MRAS: variants seen among roughly 807,000 people sequenced by gnomAD.
The protein encoded by MRAS is ras-related protein M-Ras.
MRAS carries 4 observed loss-of-function variants against 20.9 expected under a neutral mutation model. The ratio of observed to expected loss-of-function variants is 0.19; its 90% CI spans 0.09 to 0.44. The LOEUF is 0.44. MRAS is among the 20% of genes least tolerant of loss of function. The probability of loss-of-function intolerance (pLI) is 0.99; values close to 1 mark genes in which losing one functional copy is unlikely to be tolerated. For missense variants in MRAS, 154 were observed against 277.5 expected (o/e 0.56, Z 3.16); for synonymous variants, 98 against 102.9 (o/e 0.95, Z 0.29).
At chr3:138,380,802 G>A (rs952080316) in intron 2 of MRAS, among the ~76,000 whole-genome samples, 119 of 149,012 alleles carry the variant, frequency 8.0e-4, no homozygotes, top group African/African-American at 2.8e-3. Context: ...ACGGTGTCTC[G>A]CTCTGTCGCC....
intron 2 of MRAS, among the ~76,000 whole-genome samples, chr3:138,376,725 A>AG (rs2054789896): frequency 2.0e-5 from 3 of 152,262 alleles, no homozygotes; most frequent in African/African-American, 7.2e-5. Context: ...AGTTAAATAA[A>AG]TGTAAACAAG....
At position 138,404,062 on chromosome 3, in the gene MRAS, A is replaced by AAG. The variant is rs1390608500; in HGVS notation, c.*1799_*1800dup. ...TTTTTCTGTTCCTAAAAGGAAGGATAAGAGAGAACATTCCAGGTGAGGCAC... is the reference window on the plus strand; with the variant it reads ...TTTTTCTGTTCCTAAAAGGAAGGATAAGAGAGAGAACATTCCAGGTGAGGCAC... On this transcript the variant is annotated 3_prime_UTR_variant, in exon 6 of 6. Transcript: ENST00000423968. 6.6e-6 allele frequency: 1 copy of AAG among 152,244 alleles called. No homozygotes were observed. Among genetic ancestry groups the AAG allele is most frequent in the Non-Finnish European group, 1.5e-5 (1 of 68,050 alleles). 9.4% of individuals were successfully genotyped at this position (152,244 alleles called of 1,614,324 possible). A position where few individuals can be genotyped will look rare whatever the true frequency, so the allele number is the denominator to read the frequency against.
chr3:138,362,517 A>T (rs572087595), intron 1 of MRAS, among the ~76,000 whole-genome samples: 1 of 151,854 alleles, frequency 6.6e-6, no homozygotes, highest in Non-Finnish European at 1.5e-5. Context: ...AGTTTGTCCT[A>T]TGTAATTCAT....
intron 2 of MRAS, among the ~76,000 whole-genome samples, chr3:138,375,837 C>T (rs1002539947): frequency 6.6e-6 from 1 of 151,892 alleles, no homozygotes. Flanking sequence ...GCCTGGGCAA[C>T]GTGGTGAAAC....
At chr3:138,372,145 G>A (rs185130624) in intron 1 of MRAS, among the ~76,000 whole-genome samples, 51 of 151,750 alleles carry the variant, frequency 3.4e-4, no homozygotes, top group Non-Finnish European at 6.8e-4. Context: ...ACTCCATTTT[G>A]ACAACAAAAA....
chr3:138,380,272 C>A (rs1020710207), intron 2 of MRAS, among the ~76,000 whole-genome samples: 1 of 151,808 alleles, frequency 6.6e-6, no homozygotes, highest in African/African-American at 2.4e-5. Flanking sequence ...ACACTAAGTC[C>A]CCATTTTCCC....
intron 4 of MRAS, among the ~76,000 whole-genome samples, chr3:138,399,785 C>T (rs1017499483): frequency 1.2e-4 from 19 of 152,202 alleles, no homozygotes; most frequent in African/African-American, 4.1e-4. Flanking sequence ...GGGGTCCCTG[C>T]TGTAGGAGAA....
intron 1 of MRAS, among the ~76,000 whole-genome samples, chr3:138,372,225 C>T (rs2054689286): frequency 6.6e-6 from 1 of 152,158 alleles, no homozygotes; most frequent in African/African-American, 2.4e-5. Flanking sequence ...ACTGCCTTAG[C>T]TGGCCTCAGC....
In MRAS at chr3:138,404,596, G is replaced by A. The variant is rs976553094; in HGVS notation, c.*2327G>A. 2.0e-5 allele frequency: 3 copies of A among 152,214 alleles called. No individual in the cohort carries two copies. Among genetic ancestry groups the A allele is most frequent in the Admixed American group, 2.0e-4 (3 of 15,278 alleles). 9.4% of individuals were successfully genotyped at this position (152,214 alleles called of 1,614,324 possible). On this transcript the variant is annotated 3_prime_UTR_variant, in exon 6 of 6. Transcript: ENST00000423968. ...GGTGCCTGAGAGAGACTAGTTAAGG[G>A]TTGGTCTTCTGTATCCTCTGCTGTT...
intron 2 of MRAS, among the ~76,000 whole-genome samples, chr3:138,385,271 C>T (rs992637353): frequency 6.8e-6 from 1 of 147,062 alleles, no homozygotes; most frequent in African/African-American, 2.5e-5. Context: ...GCAGTCCTCC[C>T]ACCTCAGTCT....
chr3:138,360,246 C>T (rs1336278570), intron 1 of MRAS, among the ~76,000 whole-genome samples: 2 of 152,198 alleles, frequency 1.3e-5, no homozygotes, highest in African/African-American at 2.4e-5. Context: ...AGAAAGCATC[C>T]GTCTCTCAGG....
chr3:138,401,459 G>GT (rs1230410690), intron 5 of MRAS, among the ~76,000 whole-genome samples: 1 of 152,172 alleles, frequency 6.6e-6, no homozygotes, highest in African/African-American at 2.4e-5. Context: ...TTCACTTTAT[G>GT]TTTTTGCTGG....
chr3:138,402,462 CAA>C lies in MRAS; in HGVS notation c.*195_*196del, dbSNP rs1166561561. The C allele has an allele frequency of 5.5e-6, 3 of 547,434 alleles. No homozygotes were observed. The highest frequency in any genetic ancestry group is 3.8e-5 in the African/African-American group (2 of 52,334). 33.9% of individuals were successfully genotyped at this position (547,434 alleles called of 1,614,324 possible). On this transcript the variant is annotated 3_prime_UTR_variant, in exon 6 of 6. Coordinates refer to ENST00000423968, the MANE Select transcript of MRAS (RefSeq NM_001085049.3). ...AGAGGGCACGGGCTTTCCCACCTCTCAAAGAGACAAGGAAGCCACCTGTAAGC... is the reference window on the plus strand; with the variant it reads ...AGAGGGCACGGGCTTTCCCACCTCTCAGAGACAAGGAAGCCACCTGTAAGC...
intron 2 of MRAS, among the ~76,000 whole-genome samples, chr3:138,390,643 G>C (rs1382413976): frequency 6.6e-6 from 1 of 152,132 alleles, no homozygotes; most frequent in Non-Finnish European, 1.5e-5. Context: ...CTGACAAGGG[G>C]CCTGTGGCCG....
At chr3:138,387,918 G>C (rs1392993208) in intron 2 of MRAS, among the ~76,000 whole-genome samples, 1 of 152,164 alleles carries the variant, frequency 6.6e-6, no homozygotes, top group African/African-American at 2.4e-5. Context: ...GCAGGGTGTA[G>C]CCTCCAGCAT....
rs573416372 is a variant in MRAS at position 138,387,369 on chromosome 3, C to T, written c.194-9955C>T. On this transcript the variant is annotated intron_variant, in intron 2 of 5. Transcript: ENST00000423968. The stretch of plus-strand genomic sequence containing the variant: ...CTTCTGTCCTCCATCTCTGTCCTCA[C>T]CCCTCCTTTTAGACCTGCTCTTGTT... 2.6e-5 allele frequency among the ~76,000 whole-genome samples: 4 copies of T among 152,346 alleles called. No homozygotes were observed. The East Asian group carries it at 7.7e-4, about 29-fold the overall frequency.
At chr3:138,400,504 A>C (rs771001666) in intron 4 of MRAS, 30 bp from the exon 5 acceptor site, 1 of 1,580,166 alleles carries the variant, frequency 6.3e-7, no homozygotes, top group South Asian at 1.1e-5. Flanking sequence ...TCTCTGTGCC[A>C]CTTTGATCAA....
In MRAS at chr3:138,402,550, C is replaced by T. The variant is rs778824998; in HGVS notation, c.*281C>T. 69 of 395,660 alleles carry T rather than the reference C, an allele frequency of 1.7e-4. No homozygotes were observed. Among genetic ancestry groups the T allele is most frequent in the Non-Finnish European group, 2.5e-4 (55 of 221,406 alleles). The allele number at this position is 395,660 out of a possible 1,614,324, so 24.5% of individuals were successfully genotyped here. A position where few individuals can be genotyped will look rare whatever the true frequency, so the allele number is the denominator to read the frequency against. ...TGTTGATTCAACCCGGTTCCTCCCC[C>T]TCTCTCGGTGGGTGTGTTGTTTATT... On this transcript the variant is annotated 3_prime_UTR_variant, in exon 6 of 6. Coordinates refer to ENST00000423968, the MANE Select transcript of MRAS (RefSeq NM_001085049.3).
intron 1 of MRAS, among the ~76,000 whole-genome samples, chr3:138,362,741 G>GT (rs945975741): frequency 6.6e-6 from 1 of 152,138 alleles, no homozygotes; most frequent in African/African-American, 2.4e-5. Context: ...TTGGGCACTT[G>GT]TTTTTTCATC....
Sources: gnomAD v4.1 joint callset for allele counts (sites outside exome capture counted in the v4.1 genomes callset) on GRCh38, gnomAD v4.1.1 for gene constraint, MANE v1.5 for transcripts, NCBI Gene and HGNC (gene_info 2026-07-23, HGNC 2026-07-21) for gene names.